ERMP1: variants seen among roughly 807,000 people sequenced by gnomAD.
ERMP1 encodes the protein Felix-ina.
A neutral mutation model predicts 92.0 loss-of-function variants in ERMP1; 86 were observed. The observed-to-expected ratio is 0.93, with a 90% CI of 0.79 to 1.12. ERMP1 has a LOEUF of 1.12. Ranked by LOEUF, ERMP1 falls within the 50% of genes most tolerant of loss-of-function variation. The pLI is 0.00. For missense variants in ERMP1, 1,342 were observed against 1,116.3 expected, an observed-to-expected ratio of 1.20 and a Z score of -2.88; for synonymous variants, 530 against 412.8, an observed-to-expected ratio of 1.28 and a Z score of -3.44.
At position 5,787,036 on chromosome 9, in the gene ERMP1, TGATCATTAAAATTCA is replaced by T; in HGVS notation, c.*93_*107del. 1 of 1,151,622 alleles carries T rather than the reference TGATCATTAAAATTCA, an allele frequency of 8.7e-7. No individual in the cohort carries two copies. The highest frequency in any genetic ancestry group is 3.0e-4 in the Middle Eastern group (1 of 3,354). 71.3% of individuals were successfully genotyped at this position (1,151,622 alleles called of 1,614,324 possible). The stretch of plus-strand genomic sequence containing the variant: ...TAACCCAGAAAGCTCTTTGAACATA[TGATCATTAAAATTCA>T]TTGACTTACGTTACAAACATCCACG... On this transcript the variant is annotated 3_prime_UTR_variant, in exon 15 of 15. Transcript: ENST00000339450.
At chr9:5,861,729 T>G (rs1159488594) in intron 5 of ERMP1, among the ~76,000 whole-genome samples, 3 of 144,860 alleles carry the variant, frequency 2.1e-5, no homozygotes, top group Non-Finnish European at 4.5e-5. Flanking sequence ...TTTTTTTTTT[T>G]TTTTTTTTTT....
intron 5 of ERMP1, among the ~76,000 whole-genome samples, chr9:5,862,411 C>T (rs1352576590): frequency 6.6e-6 from 1 of 152,044 alleles, no homozygotes; most frequent in Non-Finnish European, 1.5e-5. Context: ...TAGCTTATTG[C>T]AGCCTCGAAC....
chr9:5,798,005 C>A (rs1828510229), intron 12 of ERMP1, 73 bp from the exon 13 acceptor site: 7 of 920,612 alleles, frequency 7.6e-6, no homozygotes, highest in Admixed American at 7.6e-5. Flanking sequence ...CAGAACTGTT[C>A]AGCATATATG....
Position 5,833,078 on chromosome 9 carries a change from GGCCGCC to G in ERMP1, c.-57_-52del. On this transcript the variant is annotated 5_prime_UTR_variant, in exon 1 of 15. Coordinates refer to ENST00000339450, the MANE Select transcript of ERMP1 (RefSeq NM_024896.3). Reference sequence around the variant, plus strand: ...AACCGCCCCAACCCGCGACAGCCCCGGCCGCCGCCGACGCCGCCGTCGCTGCCGCAG... The same window carrying G: ...AACCGCCCCAACCCGCGACAGCCCCGGCCGACGCCGCCGTCGCTGCCGCAG... The G allele has an allele frequency of 6.7e-6, 9 of 1,337,022 alleles. No individual in the cohort carries two copies. Among genetic ancestry groups the G allele is most frequent in the Non-Finnish European group, 8.7e-6 (9 of 1,031,156 alleles). The allele number at this position is 1,337,022 out of a possible 1,614,324, so 82.8% of individuals were successfully genotyped here. A position where few individuals can be genotyped will look rare whatever the true frequency, so the allele number is the denominator to read the frequency against.
chr9:5,843,908 G>A (rs752715213), intron 6 of ERMP1, among the ~76,000 whole-genome samples: 6 of 152,096 alleles, frequency 3.9e-5, no homozygotes, highest in African/African-American at 1.2e-4. Context: ...TGTGTGTCCT[G>A]GGGGGAGGAA....
intron 2 of ERMP1, among the ~76,000 whole-genome samples, chr9:5,826,493 T>C (rs1829736254): frequency 6.6e-6 from 1 of 152,228 alleles, no homozygotes; most frequent in South Asian, 2.1e-4. Flanking sequence ...AATGTTCATT[T>C]TTCCCTCTCT....
At chr9:5,791,958 G>A (rs1205890827) in intron 13 of ERMP1, among the ~76,000 whole-genome samples, 1 of 152,190 alleles carries the variant, frequency 6.6e-6, no homozygotes, top group Non-Finnish European at 1.5e-5. Flanking sequence ...AGAAGTGGGA[G>A]GATGGCAGTT....
chr9:5,809,549 C>T (rs543550217), intron 8 of ERMP1, among the ~76,000 whole-genome samples: 3 of 152,208 alleles, frequency 2.0e-5, no homozygotes, highest in East Asian at 3.8e-4. Flanking sequence ...ACTTTAAGTA[C>T]AACATTCTTT....
At chr9:5,816,822 A>G (rs1398012025) in intron 4 of ERMP1, among the ~76,000 whole-genome samples, 1 of 152,196 alleles carries the variant, frequency 6.6e-6, no homozygotes, top group Non-Finnish European at 1.5e-5. Context: ...TGACCTGTCC[A>G]AGGTTCCACG....
At chr9:5,845,170 G>A (rs534134299) in intron 6 of ERMP1, among the ~76,000 whole-genome samples, 2 of 151,180 alleles carry the variant, frequency 1.3e-5, no homozygotes, top group Non-Finnish European at 2.9e-5. Context: ...TTGTGGTGGT[G>A]GTGGTTTAAT....
At chr9:5,858,920 G>A (rs1468647353) in intron 6 of ERMP1, among the ~76,000 whole-genome samples, 1 of 152,210 alleles carries the variant, frequency 6.6e-6, no homozygotes, top group Non-Finnish European at 1.5e-5. Flanking sequence ...TCCCCTCACT[G>A]AGGCTGGGAG....
At chr9:5,842,768 C>T (rs1027595630) in intron 6 of ERMP1, among the ~76,000 whole-genome samples, 2 of 152,220 alleles carry the variant, frequency 1.3e-5, no homozygotes, top group East Asian at 3.8e-4. Context: ...TAGCCTCTTA[C>T]TTCCAAGCAA....
intron 5 of ERMP1, among the ~76,000 whole-genome samples, chr9:5,863,569 G>C (rs1197742550): frequency 6.6e-6 from 1 of 152,142 alleles, no homozygotes; most frequent in Non-Finnish European, 1.5e-5. Context: ...GGCTGGCACA[G>C]GTCCTCCTTC....
chr9:5,850,445 A>G (rs994552575), intron 6 of ERMP1, among the ~76,000 whole-genome samples: 21 of 150,738 alleles, frequency 1.4e-4, no homozygotes, highest in African/African-American at 4.9e-4. Context: ...AGAAGAAAAA[A>G]AGAAATAGAA....
chr9:5,798,176 T>A (rs1828520907), intron 12 of ERMP1, among the ~76,000 whole-genome samples: 1 of 152,164 alleles, frequency 6.6e-6, no homozygotes, highest in African/African-American at 2.4e-5. Context: ...TCTCATCCAG[T>A]CCTTCACTGC....
rs114752968 is a variant in ERMP1, at chr9:5,789,798, C to T, written c.2387-2205G>A. Among the ~76,000 whole-genome samples the T allele has an allele frequency of 3.1e-3, 474 of 152,064 alleles. 6 individuals carry two copies. The highest frequency in any genetic ancestry group is 0.011 in the African/African-American group (452 of 41,456). On this transcript the variant is annotated intron_variant, in intron 13 of 14. Coordinates refer to ENST00000339450, the MANE Select transcript of ERMP1 (RefSeq NM_024896.3). ...TCCTTGGCTTGAGCAATCCTATTGC[C>T]TCAGCCTCCCAAGTAGCTGGGACTA...
intron 6 of ERMP1, among the ~76,000 whole-genome samples, chr9:5,844,475 A>G (rs970088280): frequency 1.3e-5 from 2 of 152,224 alleles, no homozygotes; most frequent in African/African-American, 2.4e-5. Context: ...GTGTTTTGCC[A>G]TGTTTCCAGG....
rs931964970 is a variant in ERMP1, at chr9:5,799,883, TA to T, written c.2068-876del. Among the ~76,000 whole-genome samples, 146 of 151,616 alleles carry T rather than the reference TA, an allele frequency of 9.6e-4. 1 individual carries two copies. Among genetic ancestry groups the T allele is most frequent in the African/African-American group, 3.3e-3 (136 of 41,386 alleles). ...ATCATGAAAAACACACTGAACCTCC[TA>T]AAAAAAAATCCGTTCTTCACTAAAG... On this transcript the variant is annotated intron_variant, in intron 11 of 14. Transcript: ENST00000339450.
chr9:5,799,972 G>T (rs1175182033), intron 11 of ERMP1, among the ~76,000 whole-genome samples: 1 of 151,984 alleles, frequency 6.6e-6, no homozygotes, highest in Non-Finnish European at 1.5e-5. Flanking sequence ...CTATAACAAG[G>T]AATTGTTATT....
Sources: gnomAD v4.1 joint callset for allele counts (sites outside exome capture counted in the v4.1 genomes callset) on GRCh38, gnomAD v4.1.1 for gene constraint, MANE v1.5 for transcripts, NCBI Gene and HGNC (gene_info 2026-07-23, HGNC 2026-07-21) for gene names.